The following DDX10 variants were observed in gnomAD, a reference collection of about 807,000 sequenced individuals.
DDX10 encodes the protein probable ATP-dependent RNA helicase DDX10.
DDX10 carries 74 observed loss-of-function variants against 104.3 expected under a neutral mutation model. The observed-to-expected ratio is 0.71, with a 90% CI of 0.59 to 0.86. DDX10 has a LOEUF of 0.86. Among genes scored for constraint, DDX10 ranks in the 40% least tolerant of loss-of-function variants. The pLI is 0.00. For synonymous variants in DDX10, 351 were observed against 353.4 expected, an observed-to-expected ratio of 0.99 and a Z score of 0.08; for missense variants, 952 against 1,040.0, an observed-to-expected ratio of 0.92 and a Z score of 1.16.
At chr11:108,927,617 A>G (rs1256724307) in intron 17 of DDX10, among the ~76,000 whole-genome samples, 4 of 150,294 alleles carry the variant, frequency 2.7e-5, no homozygotes, top group African/African-American at 4.9e-5. Flanking sequence ...CCACAGCCAT[A>G]TCAGACAGCA....
chr11:108,685,044 GGTT>G (rs2094241572), intron 6 of DDX10, among the ~76,000 whole-genome samples: 1 of 139,604 alleles, frequency 7.2e-6, no homozygotes. Context: ...TTTTTGATGG[GGTT>G]GTTTGTTTTT....
chr11:108,670,454 A>G (rs941238322), intron 1 of DDX10, among the ~76,000 whole-genome samples: 9 of 152,142 alleles, frequency 5.9e-5, no homozygotes, highest in Non-Finnish European at 1.2e-4. Context: ...CTGATCCAAA[A>G]TTGTCCATCA....
At chr11:108,890,091 T>C (rs1863355461) in intron 16 of DDX10, among the ~76,000 whole-genome samples, 1 of 152,216 alleles carries the variant, frequency 6.6e-6, no homozygotes, top group South Asian at 2.1e-4. Flanking sequence ...ATGCATGGAT[T>C]GCCTTAGTCA....
intron 13 of DDX10, among the ~76,000 whole-genome samples, chr11:108,821,128 G>C (rs1862320757): frequency 6.6e-6 from 1 of 152,138 alleles, no homozygotes; most frequent in South Asian, 2.1e-4. Context: ...AGTAAAAGAA[G>C]ATTTTAAAAC....
intron 16 of DDX10, among the ~76,000 whole-genome samples, chr11:108,855,459 A>G (rs917963976): frequency 2.6e-5 from 4 of 152,014 alleles, no homozygotes; most frequent in African/African-American, 9.7e-5. Flanking sequence ...TGTGATTTTT[A>G]TTTATTTATT....
At chr11:108,906,412 A>G (rs958612273) in intron 16 of DDX10, among the ~76,000 whole-genome samples, 4 of 152,242 alleles carry the variant, frequency 2.6e-5, no homozygotes, top group African/African-American at 7.2e-5. Flanking sequence ...CAGTGTGCAC[A>G]CATGGGTTGA....
At chr11:108,884,479 T>C (rs1863268600) in intron 16 of DDX10, among the ~76,000 whole-genome samples, 1 of 152,168 alleles carries the variant, frequency 6.6e-6, no homozygotes, top group African/African-American at 2.4e-5. Flanking sequence ...GATGGCTACC[T>C]ACCAATTACC....
intron 13 of DDX10, among the ~76,000 whole-genome samples, chr11:108,762,032 G>C (rs760028552): frequency 5.3e-5 from 8 of 152,086 alleles, no homozygotes; most frequent in Non-Finnish European, 1.0e-4. Context: ...TGATCAAATT[G>C]CTATTTAAGC....
chr11:108,802,925 C>G (rs17108567), intron 13 of DDX10, among the ~76,000 whole-genome samples: 1 of 151,878 alleles, frequency 6.6e-6, no homozygotes, highest in African/African-American at 2.4e-5. Flanking sequence ...AACTATCAGT[C>G]CAAGCAATCT....
intron 13 of DDX10, among the ~76,000 whole-genome samples, chr11:108,800,528 T>C (rs2134557036): frequency 6.6e-6 from 1 of 151,858 alleles, no homozygotes; most frequent in Admixed American, 6.6e-5. Flanking sequence ...CCAGCACTTG[T>C]TTCTTGTTAC....
rs548771676 is a variant in DDX10 at position 108,818,559 on chromosome 11, A to G, written c.1966-19887A>G. ...CAACCTGTTTACTTCATTTGATTGA[A>G]GTTGAATGTATTCAAAATTAGTTGA... On this transcript the variant is annotated intron_variant, in intron 13 of 17. Transcript: ENST00000322536. Among the ~76,000 whole-genome samples the G allele has an allele frequency of 7.2e-5, 11 of 152,346 alleles. No individual in the cohort carries two copies. The South Asian group carries it at 2.3e-3, about 32-fold the overall frequency.
chr11:108,695,310 C>T lies in DDX10; in HGVS notation c.1223+1710C>T, dbSNP rs189886262. Among the ~76,000 whole-genome samples the T allele has an allele frequency of 3.6e-3, 547 of 152,296 alleles. 3 individuals carry two copies. Among genetic ancestry groups the T allele is most frequent in the Non-Finnish European group, 4.0e-3 (271 of 68,028 alleles). ...ATTTTTGCTCTGTTTTCTTTCTCAT[C>T]AAAACTGGATGATTGGGTATTTATC... On this transcript the variant is annotated intron_variant, in intron 9 of 17. Transcript: ENST00000322536.
In DDX10 at chr11:108,816,478, A is replaced by G. The variant is rs185691833; in HGVS notation, c.1966-21968A>G. Reference sequence around the variant, plus strand: ...AGGAGTCTTGTGTACTTCAAAATATATCCAGACTCTACCACATTGTTCACT... The same window carrying G: ...AGGAGTCTTGTGTACTTCAAAATATGTCCAGACTCTACCACATTGTTCACT... On this transcript the variant is annotated intron_variant, in intron 13 of 17. Coordinates refer to ENST00000322536, the MANE Select transcript of DDX10 (RefSeq NM_004398.4). Among the ~76,000 whole-genome samples, 343 of 151,970 alleles carry G rather than the reference A, an allele frequency of 2.3e-3. 1 individual carries two copies. The highest frequency in any genetic ancestry group is 4.0e-3 in the Non-Finnish European group (272 of 68,010).
chr11:108,825,954 G>T (rs1862390129), intron 13 of DDX10, among the ~76,000 whole-genome samples: 1 of 152,094 alleles, frequency 6.6e-6, no homozygotes, highest in Non-Finnish European at 1.5e-5. Context: ...ATTTGGAAGG[G>T]TTTCTAAATG....
intron 2 of DDX10, among the ~76,000 whole-genome samples, chr11:108,674,749 A>G (rs2094221728): frequency 6.6e-6 from 1 of 152,166 alleles, no homozygotes; most frequent in Non-Finnish European, 1.5e-5. Context: ...CTGAACTTTA[A>G]GGAATCTGCC....
rs138526052 is a variant in DDX10, at chr11:108,723,415, C to A, written c.1918C>A (p.Arg640=). The change falls in exon 13 of 18, where the codon CGG becomes AGG. Residue 640 remains arginine, a synonymous_variant. Transcript: ENST00000322536. ...EEDADFLKVK[R]HNVFGLDLKD... ...AGATGCTGATTTCTTGAAGGTGAAG[C>A]GGCATAATGTGTTTGGATTGGACCT... 4.3e-6 allele frequency: 7 copies of A among 1,613,606 alleles called. 1 individual carries two copies. The South Asian group carries it at 7.7e-5, about 18-fold the overall frequency.
At chr11:108,808,221 A>AT (rs1316354995) in intron 13 of DDX10, among the ~76,000 whole-genome samples, 1 of 151,950 alleles carries the variant, frequency 6.6e-6, no homozygotes, top group Non-Finnish European at 1.5e-5. Context: ...TTTTTTACAA[A>AT]TTTTTTTTCC....
At chr11:108,684,171 A>ATTT (rs373165845) in intron 6 of DDX10, among the ~76,000 whole-genome samples, 23 of 9,876 alleles carry the variant, frequency 2.3e-3, no homozygotes, top group South Asian at 5.1e-3. Context: ...AAGGTTATAG[A>ATTT]TTTTCTTTTT....
At chr11:108,866,032 T>G (rs1863004299) in intron 16 of DDX10, among the ~76,000 whole-genome samples, 1 of 152,228 alleles carries the variant, frequency 6.6e-6, no homozygotes, top group Admixed American at 6.5e-5. Flanking sequence ...GTGTACAAAC[T>G]TCAGCTCTTG....
Sources: gnomAD v4.1 joint callset for allele counts (sites outside exome capture counted in the v4.1 genomes callset) on GRCh38, gnomAD v4.1.1 for gene constraint, MANE v1.5 for transcripts, NCBI Gene and HGNC (gene_info 2026-07-23, HGNC 2026-07-21) for gene names.